Variants in CDH17 observed in about 807,000 individuals in gnomAD.
CDH17 encodes the protein cadherin-17.
In CDH17, 67 loss-of-function variants were observed where a neutral mutation model predicts 86.3. The observed-to-expected ratio is 0.78, with a 90% CI of 0.64 to 0.95. CDH17 has a LOEUF of 0.95. Ranked by LOEUF, CDH17 falls within the 40% of genes least tolerant of loss-of-function variation. CDH17 has a pLI of 0.00. For missense variants in CDH17, 993 were observed against 1,017.6 expected, an observed-to-expected ratio of 0.98 and a Z score of 0.33; for synonymous variants, 367 against 366.4, an observed-to-expected ratio of 1.00 and a Z score of -0.02.
At chr8:94,133,735 C>T (rs139278659) in intron 15 of CDH17, among the ~76,000 whole-genome samples, 2,663 of 152,198 alleles carry the variant, frequency 0.017, 43 homozygotes, top group South Asian at 0.035. Flanking sequence ...TGTCTTCTGC[C>T]GGTTTTCAAA....
chr8:94,187,749 T>C (rs1813609323), intron 3 of CDH17, among the ~76,000 whole-genome samples: 1 of 152,098 alleles, frequency 6.6e-6, no homozygotes. Flanking sequence ...TTGGTATGTC[T>C]CCTGCCCTCT....
At chr8:94,211,751 C>A (rs1010266385), upstream of CDH17, among the ~76,000 whole-genome samples, 1 of 152,206 alleles carries the variant, frequency 6.6e-6, no homozygotes, top group Non-Finnish European at 1.5e-5. Flanking sequence ...CAACACACAA[C>A]CCTCACCTAA....
chr8:94,179,046 T>TAAAAA (rs3033905), intron 3 of CDH17, among the ~76,000 whole-genome samples: 1 of 139,030 alleles, frequency 7.2e-6, no homozygotes. Context: ...GAATGTTTAT[T>TAAAAA]AAAAAAAAAA....
chr8:94,208,414 C>T (rs1308383742), intron 1 of CDH17, 69 bp downstream of exon 1: 1 of 152,220 alleles, frequency 6.6e-6, no homozygotes, highest in Non-Finnish European at 1.5e-5. Flanking sequence ...AAGTGCCCTC[C>T]CCCTCCATCT....
At chr8:94,215,648 T>C (rs79306837) in intron 1 of CDH17, among the ~76,000 whole-genome samples, 2,396 of 152,326 alleles carry the variant, frequency 0.016, 63 homozygotes, top group African/African-American at 0.055. Context: ...GTATGATATG[T>C]CAATTATATC....
At chr8:94,191,285 T>C (rs2130665815) in intron 2 of CDH17, among the ~76,000 whole-genome samples, 1 of 152,274 alleles carries the variant, frequency 6.6e-6, no homozygotes. Flanking sequence ...AAAAATGGTG[T>C]AGCAAAGAAA....
intron 5 of CDH17, among the ~76,000 whole-genome samples, chr8:94,175,660 C>CCTTAATGAAGGG (rs1307025320): frequency 3.0e-4 from 45 of 151,998 alleles, no homozygotes; most frequent in African/African-American, 8.9e-4. Flanking sequence ...TTAATGAAGG[C>CCTTAATGAAGGG]CTTAATGAAG....
intron 3 of CDH17, among the ~76,000 whole-genome samples, chr8:94,183,277 C>T (rs1813516264): frequency 6.6e-6 from 1 of 152,056 alleles, no homozygotes; most frequent in South Asian, 2.1e-4. Flanking sequence ...TATGGAACTA[C>T]AGGGGACTCA....
At chr8:94,147,341 C>T (rs16916588) in intron 14 of CDH17, among the ~76,000 whole-genome samples, 1 of 152,130 alleles carries the variant, frequency 6.6e-6, no homozygotes, top group African/African-American at 2.4e-5. Flanking sequence ...GCTGGCACAC[C>T]GTTCTGCATT....
intron 10 of CDH17, among the ~76,000 whole-genome samples, chr8:94,165,365 C>G (rs1813131881): frequency 6.6e-6 from 1 of 152,192 alleles, no homozygotes; most frequent in African/African-American, 2.4e-5. Context: ...CTGTCCTAGT[C>G]TAGGACATTC....
intron 15 of CDH17, among the ~76,000 whole-genome samples, chr8:94,135,283 T>G (rs1333606022): frequency 6.6e-6 from 1 of 152,196 alleles, no homozygotes; most frequent in Admixed American, 6.5e-5. Flanking sequence ...ATGATTATTG[T>G]GTGGGAGTCT....
chr8:94,146,154 C>A lies in CDH17; in HGVS notation c.1941G>T (p.Leu647Phe). The A allele has an allele frequency of 6.4e-7, 1 of 1,565,552 alleles. No individual in the cohort carries two copies. Among genetic ancestry groups the A allele is most frequent in the Admixed American group, 1.9e-5 (1 of 52,042 alleles). The part of the protein sequence containing the change: ...VVATEVGGSS[L>F]SSVSEFHLIL... The stretch of plus-strand genomic sequence containing the variant: ...TCAGGTGGAACTCTGACACAGAGCT[C>A]AAGGAAGACCCCCCTAAGGAATTGA... Residue 647 changes from leucine to phenylalanine, a missense_variant, in exon 15 of 18, where the codon TTG (leucine) becomes TTT (phenylalanine). Transcript: ENST00000027335.
intron 11 of CDH17, 120 bp from the exon 12 acceptor site, chr8:94,160,282 G>A (rs1436259131): frequency 1.0e-5 from 7 of 703,220 alleles, no homozygotes; most frequent in Admixed American, 6.3e-5. Flanking sequence ...ATCTTCATGG[G>A]GCATGTTTTT....
chr8:94,149,006 T>C (rs938931399), intron 13 of CDH17, 132 bp from the exon 14 acceptor site: 5 of 616,056 alleles, frequency 8.1e-6, no homozygotes, highest in African/African-American at 3.8e-5. Context: ...ATGATAATGC[T>C]GAGATTATCA....
chr8:94,203,083 C>T (rs1813953032), intron 1 of CDH17: 1 of 176,326 alleles, frequency 5.7e-6, no homozygotes, highest in South Asian at 1.4e-4. Flanking sequence ...TGTTTAGACG[C>T]TCTTGTCATT....
Position 94,162,027 on chromosome 8 carries a change from A to T in CDH17, c.1359+59T>A, listed in dbSNP as rs1424391493. 2.0e-5 allele frequency: 22 copies of T among 1,081,422 alleles called. No individual in the cohort carries two copies. The Admixed American group carries it at 3.9e-4, about 19-fold the overall frequency. 67.0% of individuals were successfully genotyped at this position (1,081,422 alleles called of 1,614,324 possible). ...CTACTGTCTGTGTCTCTATCCCAGA[A>T]GAAAGGGTGAAGTAAAATGAATAAA... On this transcript the variant is annotated intron_variant, in intron 11 of 17. Coordinates refer to ENST00000027335, the MANE Select transcript of CDH17 (RefSeq NM_004063.4).
intron 1 of CDH17, chr8:94,202,813 G>A (rs1170345034): frequency 1.2e-5 from 2 of 171,468 alleles, no homozygotes; most frequent in Non-Finnish European, 2.4e-5. Flanking sequence ...TAACGGTTGC[G>A]AGATTCTTTT....
At position 94,200,143 on chromosome 8, in the gene CDH17, C is replaced by T. The variant is rs925011676; in HGVS notation, c.-20-5438G>A. Among the ~76,000 whole-genome samples, 60 of 152,150 alleles carry T rather than the reference C, an allele frequency of 3.9e-4. 2 individuals carry two copies. Among genetic ancestry groups the T allele is most frequent in the Non-Finnish European group, 8.8e-5 (6 of 68,028 alleles). ...AACTACACTAGTGCTAGGATTATGT[C>T]AAAAGAGGACTTTGGTCTCTCAAAC... On this transcript the variant is annotated intron_variant, in intron 1 of 17. Coordinates refer to ENST00000027335, the MANE Select transcript of CDH17 (RefSeq NM_004063.4).
At chr8:94,147,068 G>T (rs184781914) in intron 14 of CDH17, among the ~76,000 whole-genome samples, 274 of 152,256 alleles carry the variant, frequency 1.8e-3, no homozygotes, top group Non-Finnish European at 3.3e-3. Flanking sequence ...ACTAAAAACA[G>T]AACAGGGTTT....
Sources: allele counts gnomAD v4.1 joint callset (sites outside exome capture counted in the v4.1 genomes callset), GRCh38; gene constraint gnomAD v4.1.1; transcripts MANE v1.5; gene names NCBI Gene and HGNC (gene_info 2026-07-23, HGNC 2026-07-21).